The following EVC2 variants were observed in gnomAD, a reference collection of about 807,000 sequenced individuals.
The protein encoded by EVC2 is limbin.
EVC2 carries 148 observed loss-of-function variants against 149.3 expected under a neutral mutation model. That is an observed-to-expected ratio of 0.99 (90% CI 0.87 to 1.14). The LOEUF (loss-of-function observed/expected upper bound fraction) is 1.14, where lower values mean the gene tolerates loss of function less well. Ranked by LOEUF, EVC2 falls within the 50% of genes most tolerant of loss-of-function variation. The pLI is 0.00. For missense variants in EVC2, 1,854 were observed against 1,627.3 expected, an observed-to-expected ratio of 1.14 and a Z score of -2.40; for synonymous variants, 776 against 649.9, an observed-to-expected ratio of 1.19 and a Z score of -2.95.
intron 7 of EVC2, among the ~76,000 whole-genome samples, chr4:5,668,800 G>A (rs1719443982): frequency 6.6e-6 from 1 of 152,138 alleles, no homozygotes; most frequent in African/African-American, 2.4e-5. Context: ...CCAATCTCTG[G>A]GCTAGGTAAA....
In EVC2 at chr4:5,633,737, G is replaced by C. The variant is rs1716714068; in HGVS notation, c.1471-1705C>G. ...AAGGCAGAAGGGGCTCCGGTGCACAGGGCAAAGGCCAGAGCTCCTTCAGGC... is the reference window on the plus strand; with the variant it reads ...AAGGCAGAAGGGGCTCCGGTGCACACGGCAAAGGCCAGAGCTCCTTCAGGC... On this transcript the variant is annotated intron_variant, in intron 10 of 21. Transcript: ENST00000344408. This position sits in a 1 kb window ranked among gnomAD's most constrained non-coding sequence, Gnocchi z 4.4. 6.6e-6 allele frequency among the ~76,000 whole-genome samples: 1 copy of C among 152,258 alleles called. No homozygotes were observed. Among genetic ancestry groups the C allele is most frequent in the Non-Finnish European group, 1.5e-5 (1 of 68,052 alleles).
In EVC2 at chr4:5,578,582, A is replaced by C. The variant is rs559769013; in HGVS notation, c.3058-2128T>G. 3.9e-5 allele frequency among the ~76,000 whole-genome samples: 6 copies of C among 152,236 alleles called. No individual in the cohort carries two copies. In the South Asian group the frequency reaches 1.0e-3, roughly 26 times the overall value. ...ATCACTCAGCTCTAACGCCCCTAGT[A>C]ATCACTCCACAGGTATCTGCTGAAT... On this transcript the variant is annotated intron_variant, in intron 17 of 21. Transcript: ENST00000344408.
rs375595646 is a variant in EVC2 at position 5,650,638 on chromosome 4, T to TAGAGAG, written c.1146-9806_1146-9801dup. On this transcript the variant is annotated intron_variant, in intron 9 of 21. Coordinates refer to ENST00000344408, the MANE Select transcript of EVC2 (RefSeq NM_147127.5). ...ATATATATATATATATATATATATA[T>TAGAGAG]AGAGAGAGAGAGAGAGAGAGAGAGA... Among the ~76,000 whole-genome samples the TAGAGAG allele has an allele frequency of 7.6e-3, 344 of 45,018 alleles. 6 individuals carry two copies. The highest frequency in any genetic ancestry group is 0.011 in the Non-Finnish European group (276 of 25,060). The allele number at this position is 45,018 out of a possible 152,430, so 29.5% of individuals were successfully genotyped here. A position where few individuals can be genotyped will look rare whatever the true frequency, so the allele number is the denominator to read the frequency against.
At chr4:5,543,442 T>C (rs889481312) in intron 21 of EVC2, among the ~76,000 whole-genome samples, 1 of 152,208 alleles carries the variant, frequency 6.6e-6, no homozygotes, top group African/African-American at 2.4e-5. Context: ...GGCAAGAGGC[T>C]AGCCTGCAGG....
Position 5,631,568 on chromosome 4 carries a change from G to GGT in EVC2, c.1710+224_1710+225insAC, listed in dbSNP as rs199666307. On this transcript the variant is annotated intron_variant, in intron 11 of 21. Transcript: ENST00000344408. ...CTTGCTCAAGTTCACGCAGTAGACT[G>GGT]GGGGGGGGAACTGAAATTCCAATCC... Among the ~76,000 whole-genome samples, 1,444 of 75,618 alleles carry GGT rather than the reference G, an allele frequency of 0.019. 48 individuals carry two copies. In the East Asian group the frequency reaches 0.26, roughly 14 times the overall value. The allele number at this position is 75,618 out of a possible 152,430, so 49.6% of individuals were successfully genotyped here.
intron 21 of EVC2, among the ~76,000 whole-genome samples, chr4:5,543,431 C>A (rs188721040): frequency 7.2e-5 from 11 of 152,314 alleles, no homozygotes; most frequent in African/African-American, 2.4e-4. Flanking sequence ...AAGCATTCAA[C>A]GGCAAGAGGC....
intron 7 of EVC2, among the ~76,000 whole-genome samples, chr4:5,676,249 G>C (rs1719985263): frequency 6.6e-6 from 1 of 152,186 alleles, no homozygotes; most frequent in Non-Finnish European, 1.5e-5. Flanking sequence ...GAAAAAATGA[G>C]AAACAATTTC....
chr4:5,616,039 G>A (rs1458951863), intron 15 of EVC2, among the ~76,000 whole-genome samples: 1 of 152,234 alleles, frequency 6.6e-6, no homozygotes, highest in Non-Finnish European at 1.5e-5. Flanking sequence ...GGGGCTGGGA[G>A]GGGATAGCCC....
Position 5,640,448 on chromosome 4 carries a change from A to G in EVC2, c.1470+66T>C. The G allele has an allele frequency of 6.3e-7, 1 of 1,588,524 alleles. No homozygotes were observed. Among genetic ancestry groups the G allele is most frequent in the Non-Finnish European group, 8.6e-7 (1 of 1,157,256 alleles). ...GAGGCAAATGGACAGATGAGTGGGT[A>G]GATGGATAAATGACAAATCCCTGAG... On this transcript the variant is annotated intron_variant, in intron 10 of 21. Coordinates refer to ENST00000344408, the MANE Select transcript of EVC2 (RefSeq NM_147127.5). The surrounding 1 kb of genome is among the most constrained non-coding windows in gnomAD (Gnocchi z 4.6).
chr4:5,591,255 G>A (rs1386665550), intron 16 of EVC2, among the ~76,000 whole-genome samples: 1 of 152,104 alleles, frequency 6.6e-6, no homozygotes, highest in Non-Finnish European at 1.5e-5. Context: ...TTCTCTAAGT[G>A]CCTGTTTTCA....
Position 5,622,699 on chromosome 4 carries a change from T to C in EVC2, c.2339A>G (p.His780Arg). The change falls in exon 14 of 22, where the codon CAC becomes CGC. Residue 780 changes from histidine (H) to arginine (R), a missense_variant. By Grantham distance (29) the His-to-Arg change is conservative. Transcript: ENST00000344408. This position sits in a 1 kb window ranked among gnomAD's most constrained non-coding sequence, Gnocchi z 5.8. ...GGCCCGTGCAGCCATCTCCTTGCCG[T>C]GCTCCTCCAGGATCTGCTGCAGGAA... ...WLFLQQILEE[H>R]GKEMAARAEQ... 1.2e-6 allele frequency: 2 copies of C among 1,614,114 alleles called. No homozygotes were observed. The highest frequency in any genetic ancestry group is 2.2e-5 in the South Asian group (2 of 91,074).
rs1577245456 is a variant in EVC2, at chr4:5,681,253, C to T, written c.870+7G>A. 1 of 1,614,258 alleles carries T rather than the reference C, an allele frequency of 6.2e-7. No homozygotes were observed. Among genetic ancestry groups the T allele is most frequent in the South Asian group, 1.1e-5 (1 of 91,084 alleles). ...TGAGGGTGCTCAGGGCATGTCATGTCTCTTACCGTTACGTTTTCTTCTGCT... is the reference window on the plus strand; with the variant it reads ...TGAGGGTGCTCAGGGCATGTCATGTTTCTTACCGTTACGTTTTCTTCTGCT... On this transcript the variant is annotated splice_region_variant and intron_variant, in intron 7 of 21. Coordinates refer to ENST00000344408, the MANE Select transcript of EVC2 (RefSeq NM_147127.5).
intron 3 of EVC2, 141 bp downstream of exon 3, chr4:5,694,194 C>A: frequency 1.2e-6 from 1 of 810,942 alleles, no homozygotes; most frequent in Non-Finnish European, 2.0e-6. Flanking sequence ...GATTTGCTAC[C>A]CAGTGATAAC....
chr4:5,582,298 G>A (rs1236657285), intron 17 of EVC2, among the ~76,000 whole-genome samples: 1 of 152,180 alleles, frequency 6.6e-6, no homozygotes. Context: ...AAAGTCACAG[G>A]GGCTGAGCTG....
At chr4:5,685,091 C>T (rs567423485) in intron 6 of EVC2, among the ~76,000 whole-genome samples, 2 of 152,290 alleles carry the variant, frequency 1.3e-5, no homozygotes, top group African/African-American at 4.8e-5. Context: ...GTGCAGGACA[C>T]AGGGAAGAGA....
In EVC2 at chr4:5,689,147, T is replaced by C; in HGVS notation, c.706+10A>G. Reference sequence around the variant, plus strand: ...TTGTCATCCCTGACTTCAGAACGCTTTGCTGTTACCTTGCAGAAACTTCTT... The same window carrying C: ...TTGTCATCCCTGACTTCAGAACGCTCTGCTGTTACCTTGCAGAAACTTCTT... On this transcript the variant is annotated intron_variant, in intron 5 of 21. Coordinates refer to ENST00000344408, the MANE Select transcript of EVC2 (RefSeq NM_147127.5). The C allele has an allele frequency of 6.2e-7, 1 of 1,614,028 alleles. No individual in the cohort carries two copies. The highest frequency in any genetic ancestry group is 1.1e-5 in the South Asian group (1 of 91,068).
intron 9 of EVC2, among the ~76,000 whole-genome samples, chr4:5,653,945 G>A (rs1718323998): frequency 6.6e-6 from 1 of 152,250 alleles, no homozygotes; most frequent in Admixed American, 6.5e-5. Context: ...CGGGCATGGT[G>A]GTTCATGCCT....
chr4:5,592,575 A>C lies in EVC2; in HGVS notation c.2830-7725T>G, dbSNP rs116074494. The stretch of plus-strand genomic sequence containing the variant: ...GTTGCAGCTGGTGCCAGGGAACAGC[A>C]GTCTCCCAACAGATAGTAAAGACTT... On this transcript the variant is annotated intron_variant, in intron 16 of 21. Coordinates refer to ENST00000344408, the MANE Select transcript of EVC2 (RefSeq NM_147127.5). 1.4e-3 allele frequency among the ~76,000 whole-genome samples: 217 copies of C among 152,370 alleles called. 1 individual carries two copies. The highest frequency in any genetic ancestry group is 2.6e-3 in the Non-Finnish European group (180 of 68,044).
At chr4:5,701,836 CTT>C (rs1721847578) in intron 1 of EVC2, among the ~76,000 whole-genome samples, 1 of 152,160 alleles carries the variant, frequency 6.6e-6, no homozygotes, top group Non-Finnish European at 1.5e-5. Flanking sequence ...TGATTCTTCT[CTT>C]TCTCTCTCTC....
Sources: allele counts gnomAD v4.1 joint callset (sites outside exome capture counted in the v4.1 genomes callset), GRCh38; gene constraint gnomAD v4.1.1; non-coding constraint Gnocchi (gnomAD v3.1); transcripts MANE v1.5; gene names NCBI Gene and HGNC (gene_info 2026-07-23, HGNC 2026-07-21).